The following CHSY3 variants were observed in gnomAD, a reference collection of about 807,000 sequenced individuals.
CHSY3 encodes the protein chondroitin sulfate synthase 3, also known as N-acetylgalactosaminyl-proteoglycan 3-beta-glucuronosyltransferase 3.
In CHSY3, 35 loss-of-function variants were observed where a neutral mutation model predicts 67.2. That is an observed-to-expected ratio of 0.52 (90% confidence interval 0.40 to 0.69). The LOEUF (loss-of-function observed/expected upper bound fraction) is 0.69, where lower values mean the gene tolerates loss of function less well. Ranked by LOEUF, CHSY3 falls within the 30% of genes least tolerant of loss-of-function variation. CHSY3 has a pLI of 0.00. For synonymous variants in CHSY3, 474 were observed against 434.7 expected, an observed-to-expected ratio of 1.09 and a Z score of -1.12; for missense variants, 1,069 against 1,138.5, an observed-to-expected ratio of 0.94 and a Z score of 0.88.
chr5:130,033,322 C>T (rs1233461149), intron 2 of CHSY3, among the ~76,000 whole-genome samples: 1 of 152,038 alleles, frequency 6.6e-6, no homozygotes, highest in South Asian at 2.1e-4. Context: ...CAACTATTCT[C>T]TTTCCTCCAT....
intron 2 of CHSY3, among the ~76,000 whole-genome samples, chr5:130,064,036 C>G (rs1041536182): frequency 1.3e-5 from 2 of 152,026 alleles, no homozygotes; most frequent in African/African-American, 4.8e-5. Flanking sequence ...GGAGGAATTA[C>G]TCATATGGAC....
At chr5:130,087,475 C>T (rs1766689573) in intron 2 of CHSY3, among the ~76,000 whole-genome samples, 1 of 151,896 alleles carries the variant, frequency 6.6e-6, no homozygotes, top group Non-Finnish European at 1.5e-5. Flanking sequence ...ACCCCATTGT[C>T]TCAGCCCCAA....
At chr5:130,112,611 A>G (rs1000159144) in intron 2 of CHSY3, among the ~76,000 whole-genome samples, 1 of 152,152 alleles carries the variant, frequency 6.6e-6, no homozygotes, top group African/African-American at 2.4e-5. Flanking sequence ...GAACAATATA[A>G]GTGTAAAAGT....
intron 2 of CHSY3, among the ~76,000 whole-genome samples, chr5:130,039,984 C>T (rs972439130): frequency 2.0e-5 from 3 of 152,000 alleles, no homozygotes; most frequent in Non-Finnish European, 4.4e-5. Flanking sequence ...CTGACATTGT[C>T]GCTTTAGGGA....
chr5:130,001,910 T>A (rs1355017771), intron 2 of CHSY3: 1 of 907,736 alleles, frequency 1.1e-6, no homozygotes, highest in Non-Finnish European at 1.3e-6. Context: ...AAACAGTCAC[T>A]TAAAATTCTG....
At chr5:130,148,641 G>T (rs1254601433) in intron 2 of CHSY3, among the ~76,000 whole-genome samples, 1 of 152,138 alleles carries the variant, frequency 6.6e-6, no homozygotes, top group Non-Finnish European at 1.5e-5. Flanking sequence ...TTTCTCTAAT[G>T]ATCAGTGATG....
chr5:129,915,642 T>C (rs1466382931), intron 2 of CHSY3, among the ~76,000 whole-genome samples: 2 of 152,200 alleles, frequency 1.3e-5, no homozygotes, highest in Non-Finnish European at 2.9e-5. Flanking sequence ...TTCAGTTTCA[T>C]TATTTTTTAT....
intron 2 of CHSY3, among the ~76,000 whole-genome samples, chr5:130,146,628 A>G (rs1398002787): frequency 6.6e-6 from 1 of 152,278 alleles, no homozygotes; most frequent in South Asian, 2.1e-4. Flanking sequence ...TATTTTCTCC[A>G]CAAAGAAATG....
chr5:130,105,340 G>C (rs1184528592), intron 2 of CHSY3, among the ~76,000 whole-genome samples: 1 of 151,660 alleles, frequency 6.6e-6, no homozygotes, highest in Non-Finnish European at 1.5e-5. Context: ...TGAGATAGAA[G>C]TGGCTCCTAG....
intron 2 of CHSY3, among the ~76,000 whole-genome samples, chr5:130,103,586 G>A (rs1205488562): frequency 6.6e-6 from 1 of 151,912 alleles, no homozygotes; most frequent in African/African-American, 2.4e-5. Flanking sequence ...TTTTAAGAGA[G>A]GAATATCTCA....
At chr5:130,118,024 G>T (rs1240380192) in intron 2 of CHSY3, among the ~76,000 whole-genome samples, 3 of 152,052 alleles carry the variant, frequency 2.0e-5, no homozygotes, top group Non-Finnish European at 4.4e-5. Context: ...TTGTTTAAAA[G>T]AACATGCCAC....
At chr5:129,908,050 T>C in intron 1 of CHSY3, 27 bp from the exon 2 acceptor site, 1 of 1,602,324 alleles carries the variant, frequency 6.2e-7, no homozygotes, top group South Asian at 1.1e-5. Flanking sequence ...TAAGGAGACA[T>C]AGTAATTGTT....
rs777742907 is a variant in CHSY3, at chr5:130,185,016, T to C, written c.1874T>C (p.Val625Ala). The change falls in exon 3 of 3, where the codon GTT (valine) becomes GCT (alanine). Residue 625 changes from valine (V) to alanine (A), a missense_variant. Physicochemically the swap from Val to Ala is moderately conservative, Grantham distance 64 (BLOSUM62 0). Around this residue, in one of 5 missense-constraint regions of CHSY3, gnomAD observed 401 missense variants for 395.2 expected, o/e 1.01. Transcript: ENST00000305031. ...GHNEKKVHIL[V>A]PLIGRYDIFL... The stretch of plus-strand genomic sequence containing the variant: ...AATGAAAAGAAAGTACACATTCTCG[T>C]TCCTCTCATCGGAAGGTATGACATT... 1 of 1,571,738 alleles carries C rather than the reference T, an allele frequency of 6.4e-7. No individual in the cohort carries two copies. The highest frequency in any genetic ancestry group is 1.1e-5 in the South Asian group (1 of 90,202).
intron 2 of CHSY3, among the ~76,000 whole-genome samples, chr5:130,079,948 T>C (rs1766392734): frequency 6.6e-6 from 1 of 151,852 alleles, no homozygotes; most frequent in East Asian, 1.9e-4. Context: ...AGTCATTACA[T>C]TGTTTTTTTG....
At chr5:130,051,727 C>T (rs747609142) in intron 2 of CHSY3, among the ~76,000 whole-genome samples, 5 of 151,926 alleles carry the variant, frequency 3.3e-5, no homozygotes, top group African/African-American at 7.2e-5. Context: ...GACAGAGACC[C>T]GGGCAGATGA....
chr5:130,014,633 T>C (rs977247353), intron 2 of CHSY3, among the ~76,000 whole-genome samples: 18 of 152,168 alleles, frequency 1.2e-4, no homozygotes, highest in African/African-American at 4.1e-4. Context: ...GTGGGGATTA[T>C]GAGAACTACA....
chr5:129,905,101 C>A lies in CHSY3; in HGVS notation c.272C>A (p.Ala91Glu), dbSNP rs1295205822. The change falls in exon 1 of 3, where the codon GCA (alanine) becomes GAA (glutamate). Residue 91 changes from alanine (A) to glutamate (E), a missense_variant. This residue lies in a region of CHSY3 where 309 missense variants were observed against 262.5 expected (regional missense o/e 1.18). Transcript: ENST00000305031. ...QDLQGPPLPE[A>E]APGITSFRSS... ...CTCCAGGGGCCACCGCTGCCCGAGG[C>A]AGCACCCGGGATCACCAGTTTTCGA... The A allele has an allele frequency of 6.5e-7, 1 of 1,541,184 alleles. No individual in the cohort carries two copies.
At chr5:129,996,055 G>A (rs1763529972) in intron 2 of CHSY3, among the ~76,000 whole-genome samples, 1 of 152,024 alleles carries the variant, frequency 6.6e-6, no homozygotes, top group Non-Finnish European at 1.5e-5. Flanking sequence ...ATTTGCCAAC[G>A]ATCTTATTTT....
At chr5:129,942,036 G>A (rs1195215638) in intron 2 of CHSY3, among the ~76,000 whole-genome samples, 2 of 152,200 alleles carry the variant, frequency 1.3e-5, no homozygotes, top group African/African-American at 2.4e-5. Context: ...GTCCTCTTGG[G>A]TTTTTATGGG....
Sources: allele counts gnomAD v4.1 joint callset (sites outside exome capture counted in the v4.1 genomes callset), GRCh38; gene constraint gnomAD v4.1.1; regional missense constraint gnomAD v4.1.1; transcripts MANE v1.5; gene names NCBI Gene and HGNC (gene_info 2026-07-23, HGNC 2026-07-21).